ZKSCAN5: variants seen among roughly 807,000 people sequenced by gnomAD.
ZKSCAN5 encodes zinc finger with KRAB and SCAN domains 5.
In ZKSCAN5, 28 loss-of-function variants were observed where a neutral mutation model predicts 60.0. The ratio of observed to expected loss-of-function variants is 0.47; its 90% CI spans 0.35 to 0.64. The LOEUF is 0.64. Among genes scored for constraint, ZKSCAN5 ranks in the 30% least tolerant of loss-of-function variants. The probability of loss-of-function intolerance (pLI) is 0.01; values close to 1 mark genes in which losing one functional copy is unlikely to be tolerated. For synonymous variants in ZKSCAN5, 361 were observed against 371.2 expected, an observed-to-expected ratio of 0.97 and a Z score of 0.31; for missense variants, 881 against 1,034.6, an observed-to-expected ratio of 0.85 and a Z score of 2.04.
At chr7:99,509,283 C>G (rs1016514382) in intron 2 of ZKSCAN5, among the ~76,000 whole-genome samples, 2 of 152,166 alleles carry the variant, frequency 1.3e-5, no homozygotes, top group African/African-American at 4.8e-5. Context: ...GCCACATGCC[C>G]GGCTTAATTT....
intron 2 of ZKSCAN5, among the ~76,000 whole-genome samples, chr7:99,508,999 AT>A (rs1265785176): frequency 6.7e-6 from 1 of 149,844 alleles, no homozygotes; most frequent in Non-Finnish European, 1.5e-5. Flanking sequence ...TTTTATTTTT[AT>A]TTTTTTGAGG....
chr7:99,519,763 A>G, intron 3 of ZKSCAN5, 64 bp from the exon 4 acceptor site: 2 of 1,504,668 alleles, frequency 1.3e-6, no homozygotes, highest in South Asian at 2.3e-5. Context: ...CATAAGAGGA[A>G]CATGATGGCA....
chr7:99,520,726 G>A (rs1279665990), intron 5 of ZKSCAN5, among the ~76,000 whole-genome samples: 1 of 152,112 alleles, frequency 6.6e-6, no homozygotes, highest in Admixed American at 6.6e-5. Context: ...TTTGCCAGGT[G>A]TGGTAGCTCA....
intron 5 of ZKSCAN5, among the ~76,000 whole-genome samples, chr7:99,521,421 C>T (rs1394161549): frequency 1.3e-5 from 2 of 152,128 alleles, no homozygotes; most frequent in African/African-American, 2.4e-5. Context: ...TGGTCTCAAA[C>T]TCCTGACCTC....
At chr7:99,520,438 G>T (rs1224674810) in intron 5 of ZKSCAN5, 134 bp downstream of exon 5, 5 of 1,005,754 alleles carry the variant, frequency 5.0e-6, no homozygotes, top group South Asian at 4.0e-5. Context: ...TTTTGTAAAA[G>T]AATAAATCAG....
chr7:99,508,507 A>T lies in ZKSCAN5; in HGVS notation c.414+2049A>T, dbSNP rs189718241. Among the ~76,000 whole-genome samples the T allele has an allele frequency of 2.0e-3, 307 of 151,892 alleles. 1 individual carries two copies. The highest frequency in any genetic ancestry group is 7.2e-3 in the African/African-American group (298 of 41,458). On this transcript the variant is annotated intron_variant, in intron 2 of 6. Coordinates refer to ENST00000326775, the MANE Select transcript of ZKSCAN5 (RefSeq NM_145102.4). ...GGTGACTCACGCCTGTAATCCCAGC[A>T]CTTTGGGAGGCTGAGGCGGGTGGAT...
At position 99,531,885 on chromosome 7, in the gene ZKSCAN5, G is replaced by A. The variant is rs779173895; in HGVS notation, c.2156G>A (p.Cys719Tyr). 2 of 1,614,142 alleles carry A rather than the reference G, an allele frequency of 1.2e-6. No homozygotes were observed. Among genetic ancestry groups the A allele is most frequent in the Admixed American group, 3.3e-5 (2 of 60,022 alleles). The change falls in exon 7 of 7, where the codon TGT (cysteine) becomes TAT (tyrosine). Residue 719 changes from cysteine (C) to tyrosine (Y), a missense_variant. Coordinates refer to ENST00000326775, the MANE Select transcript of ZKSCAN5 (RefSeq NM_145102.4). ...GAGTTACAAGAGCAGCCTTATCAGTGTGATATCTGTGGAAAAGCCTTTGGT... is the reference window on the plus strand; with the variant it reads ...GAGTTACAAGAGCAGCCTTATCAGTATGATATCTGTGGAAAAGCCTTTGGT... ...KIELQEQPYQ[C>Y]DICGKAFGYS...
In ZKSCAN5 at chr7:99,531,828, G is replaced by A; in HGVS notation, c.2099G>A (p.Trp700Ter). The A allele has an allele frequency of 6.2e-7, 1 of 1,614,164 alleles. No homozygotes were observed. Among genetic ancestry groups the A allele is most frequent in the Non-Finnish European group, 8.5e-7 (1 of 1,180,044 alleles). ...GGCATCTGTGAGGAAGCATATAGTTGGAACTTGACAGTGATTGAAGACAAG... is the reference window on the plus strand; with the variant it reads ...GGCATCTGTGAGGAAGCATATAGTTAGAACTTGACAGTGATTGAAGACAAG... ...KNGICEEAYS[W>*]NLTVIEDKKI... The change falls in exon 7 of 7, where the codon TGG becomes TAG. Residue 700 changes from tryptophan (W) to a stop codon, truncating the protein, a stop_gained. Transcript: ENST00000326775. LOFTEE classifies it low-confidence loss of function (END_TRUNC).
chr7:99,513,954 A>G (rs1801156632), intron 3 of ZKSCAN5, among the ~76,000 whole-genome samples: 1 of 152,122 alleles, frequency 6.6e-6, no homozygotes, highest in Non-Finnish European at 1.5e-5. Context: ...CTGAGGCATG[A>G]GAATCGTTTG....
At chr7:99,512,978 TCCCC>T (rs1343413206) in intron 3 of ZKSCAN5, among the ~76,000 whole-genome samples, 1 of 52,500 alleles carries the variant, frequency 1.9e-5, no homozygotes, top group Non-Finnish European at 3.3e-5. Context: ...CCCTCCCCCC[TCCCC>T]CCACCCCACA....
chr7:99,510,295 A>G (rs1467225420), intron 2 of ZKSCAN5, among the ~76,000 whole-genome samples: 1 of 151,682 alleles, frequency 6.6e-6, no homozygotes, highest in African/African-American at 2.4e-5. Context: ...GCTGGAGTGC[A>G]GTGGCCTGAT....
chr7:99,511,397 G>T (rs1326122903), intron 2 of ZKSCAN5, among the ~76,000 whole-genome samples: 1 of 152,044 alleles, frequency 6.6e-6, no homozygotes, highest in African/African-American at 2.4e-5. Context: ...CATGATTCCT[G>T]ACTGTACTAG....
At chr7:99,520,052 C>A in intron 4 of ZKSCAN5, 117 bp from the exon 5 acceptor site, 1 of 1,506,986 alleles carries the variant, frequency 6.6e-7, no homozygotes, top group South Asian at 1.2e-5. Flanking sequence ...AGTCCTTCCC[C>A]ATCCTCTTTG....
At chr7:99,520,434 A>AC in intron 5 of ZKSCAN5, 130 bp downstream of exon 5, 1 of 1,089,778 alleles carries the variant, frequency 9.2e-7, no homozygotes, top group Non-Finnish European at 1.3e-6. Context: ...TATTTTTTGT[A>AC]AAAGAATAAA....
At chr7:99,523,605 CAAAT>C (rs1022275281) in intron 5 of ZKSCAN5, among the ~76,000 whole-genome samples, 3 of 140,206 alleles carry the variant, frequency 2.1e-5, no homozygotes, top group South Asian at 2.4e-4. Flanking sequence ...GACCCAGTCT[CAAAT>C]CAATCAATCA....
At chr7:99,520,502 G>A (rs1489840831) in intron 5 of ZKSCAN5, among the ~76,000 whole-genome samples, 198 bp downstream of exon 5, 1 of 150,634 alleles carries the variant, frequency 6.6e-6, no homozygotes, top group Non-Finnish European at 1.5e-5. Flanking sequence ...ATCTTAATAA[G>A]AGTATGATTA....
intron 1 of ZKSCAN5, chr7:99,505,045 G>T (rs1800647273): frequency 6.6e-6 from 1 of 152,316 alleles, no homozygotes; most frequent in African/African-American, 2.4e-5. Flanking sequence ...TCCCCGCTTT[G>T]GTGATGCTGT....
intron 6 of ZKSCAN5, among the ~76,000 whole-genome samples, chr7:99,528,859 G>T (rs914599962): frequency 2.6e-5 from 4 of 152,224 alleles, no homozygotes; most frequent in Non-Finnish European, 5.9e-5. Context: ...CTCTCATGCA[G>T]CCGATGGTCT....
intron 2 of ZKSCAN5, among the ~76,000 whole-genome samples, chr7:99,509,469 CTTT>C (rs774573507): frequency 1.4e-5 from 2 of 138,404 alleles, no homozygotes; most frequent in Non-Finnish European, 1.6e-5. Context: ...GACCACAGCA[CTTT>C]TTTTTTTTTT....
Sources: gnomAD v4.1 joint callset for allele counts (sites outside exome capture counted in the v4.1 genomes callset) on GRCh38, gnomAD v4.1.1 for gene constraint, MANE v1.5 for transcripts, NCBI Gene and HGNC (gene_info 2026-07-23, HGNC 2026-07-21) for gene names.